Variants in SLC30A6 observed in about 807,000 individuals in gnomAD.
The protein encoded by SLC30A6 is solute carrier family 30 member 6.
A neutral mutation model predicts 63.0 loss-of-function variants in SLC30A6; 55 were observed. That is an observed-to-expected ratio of 0.87 (90% confidence interval 0.70 to 1.09). SLC30A6 has a LOEUF of 1.09. SLC30A6 is among the 50% of genes least tolerant of loss of function. The pLI is 0.00. For synonymous variants in SLC30A6, 224 were observed against 186.1 expected (o/e 1.20, Z -1.66); for missense variants, 587 against 549.2 (o/e 1.07, Z -0.69).
chr2:32,213,540 A>T (rs1242338953), intron 13 of SLC30A6, among the ~76,000 whole-genome samples: 2 of 152,000 alleles, frequency 1.3e-5, no homozygotes, highest in Non-Finnish European at 2.9e-5. Context: ...TGCTGCACAG[A>T]TTGTGTTACC....
At chr2:32,183,179 T>C (rs2148827218) in intron 4 of SLC30A6, among the ~76,000 whole-genome samples, 1 of 151,728 alleles carries the variant, frequency 6.6e-6, no homozygotes, top group Admixed American at 6.6e-5. Flanking sequence ...AGAGTGAGAC[T>C]CCATCTAAAA....
chr2:32,204,705 T>A lies in SLC30A6; in HGVS notation c.768+13T>A, dbSNP rs1164167168. 6.5e-7 allele frequency: 1 copy of A among 1,540,602 alleles called. No homozygotes were observed. The highest frequency in any genetic ancestry group is 1.2e-5 in the South Asian group (1 of 85,604). ...AGTCTTACTCCAGGTAAGGTGCTTC[T>A]TCCAATGCACGTGCTTAATATTAGC... On this transcript the variant is annotated intron_variant, in intron 11 of 13. Coordinates refer to ENST00000282587, the MANE Select transcript of SLC30A6 (RefSeq NM_017964.5).
intron 13 of SLC30A6, among the ~76,000 whole-genome samples, chr2:32,218,247 C>T (rs1685874326): frequency 6.6e-6 from 1 of 151,962 alleles, no homozygotes; most frequent in African/African-American, 2.4e-5. Flanking sequence ...ACGGTGAGAC[C>T]TCATCTCTAC....
chr2:32,211,119 G>T (rs915616015), intron 13 of SLC30A6, among the ~76,000 whole-genome samples: 1 of 152,180 alleles, frequency 6.6e-6, no homozygotes. Context: ...TAGGGTCTCA[G>T]ATGCTCTCTA....
At position 32,175,837 on chromosome 2, in the gene SLC30A6, G is replaced by T. The variant is rs144098799; in HGVS notation, c.218+476G>T. ...CTAAAAATACAAATAGCCAGGCATG[G>T]TGGTGTATGCCTGTAGTCCCAGCTA... On this transcript the variant is annotated intron_variant, in intron 4 of 13. Transcript: ENST00000282587. Among the ~76,000 whole-genome samples the T allele has an allele frequency of 7.8e-3, 1,194 of 152,234 alleles. 17 individuals carry two copies. The highest frequency in any genetic ancestry group is 0.012 in the Non-Finnish European group (802 of 68,026).
At chr2:32,199,764 A>G (rs1003561853) in intron 10 of SLC30A6, among the ~76,000 whole-genome samples, 2 of 151,708 alleles carry the variant, frequency 1.3e-5, no homozygotes, top group Admixed American at 6.6e-5. Flanking sequence ...CTCCTCTCTC[A>G]CCACTCCCCA....
chr2:32,220,676 A>G lies in SLC30A6; in HGVS notation c.1349A>G (p.Tyr450Cys). The G allele has an allele frequency of 1.2e-6, 2 of 1,613,978 alleles. No individual in the cohort carries two copies. Among genetic ancestry groups the G allele is most frequent in the Non-Finnish European group, 1.7e-6 (2 of 1,179,878 alleles). Residue 450 changes from tyrosine to cysteine, a missense_variant, in exon 14 of 14, where the codon TAT (tyrosine) becomes TGT (cysteine). By Grantham distance (194) the Tyr-to-Cys change is radical (BLOSUM62 -2). Transcript: ENST00000282587. ...RTGFTNIPSR[Y>C]GTNNRIGQPR... Reference sequence around the variant, plus strand: ...GGTTTTACAAATATACCAAGTAGATATGGAACTAATAATAGAATTGGACAA... The same window carrying G: ...GGTTTTACAAATATACCAAGTAGATGTGGAACTAATAATAGAATTGGACAA...
chr2:32,203,915 G>A (rs936869999), intron 10 of SLC30A6: 8 of 861,894 alleles, frequency 9.3e-6, no homozygotes, highest in Non-Finnish European at 1.6e-5. Flanking sequence ...CCACAAGGGA[G>A]TCGCTCAGGA....
chr2:32,202,997 G>A (rs1247669399), intron 10 of SLC30A6: 2 of 1,152,446 alleles, frequency 1.7e-6, no homozygotes, highest in East Asian at 2.3e-5. Context: ...GTGAGACCCA[G>A]AGGAGTGTAA....
At chr2:32,201,119 T>C (rs571566631) in intron 10 of SLC30A6, among the ~76,000 whole-genome samples, 1 of 152,350 alleles carries the variant, frequency 6.6e-6, no homozygotes, top group Admixed American at 6.5e-5. Context: ...CATGGTACTC[T>C]GTAGACATTT....
intron 10 of SLC30A6, among the ~76,000 whole-genome samples, chr2:32,198,737 C>A (rs1284182410): frequency 1.3e-5 from 2 of 152,130 alleles, no homozygotes; most frequent in Non-Finnish European, 2.9e-5. Context: ...GCACCTGCCA[C>A]CACACCTGGC....
chr2:32,204,573 T>A lies in SLC30A6; in HGVS notation c.666-17T>A. ...TGAGATATAAATTTAAAATTTAGAATTGTTTTTTCCTTTTAGTAATTATTT... is the reference window on the plus strand; with the variant it reads ...TGAGATATAAATTTAAAATTTAGAAATGTTTTTTCCTTTTAGTAATTATTT... On this transcript the variant is annotated splice_polypyrimidine_tract_variant and intron_variant, in intron 10 of 13. Transcript: ENST00000282587. The A allele has an allele frequency of 1.3e-6, 2 of 1,562,758 alleles. No individual in the cohort carries two copies. Among genetic ancestry groups the A allele is most frequent in the Non-Finnish European group, 1.8e-6 (2 of 1,136,430 alleles).
chr2:32,219,285 C>G (rs575121153), intron 13 of SLC30A6, among the ~76,000 whole-genome samples: 6 of 151,974 alleles, frequency 3.9e-5, no homozygotes, highest in Admixed American at 3.9e-4. Context: ...ATCCGCCCAC[C>G]TCAGCCTCCC....
chr2:32,199,678 C>T (rs1192080283), intron 10 of SLC30A6, among the ~76,000 whole-genome samples: 2 of 152,022 alleles, frequency 1.3e-5, no homozygotes, highest in African/African-American at 4.8e-5. Flanking sequence ...ATCCATTAAC[C>T]ATCCCCCACA....
At chr2:32,208,615 C>G (rs1198899504) in intron 12 of SLC30A6, among the ~76,000 whole-genome samples, 1 of 150,376 alleles carries the variant, frequency 6.6e-6, no homozygotes, top group Non-Finnish European at 1.5e-5. Flanking sequence ...CCAGGGGGTA[C>G]AGGGTCTTAC....
intron 11 of SLC30A6, among the ~76,000 whole-genome samples, chr2:32,205,419 C>CA (rs1684670020): frequency 6.6e-6 from 1 of 151,756 alleles, no homozygotes; most frequent in African/African-American, 2.4e-5. Flanking sequence ...GACTCCATCT[C>CA]AAAAAAACAA....
rs903670843 is a variant in SLC30A6, at chr2:32,171,469, A to T, written c.90+96A>T. On this transcript the variant is annotated intron_variant, in intron 2 of 13. Coordinates refer to ENST00000282587, the MANE Select transcript of SLC30A6 (RefSeq NM_017964.5). ...TTAAGGCCAATAGAAATCACTCCTG[A>T]TCCTGCCACACTGTTTTCATTTTTC... is the stretch of plus-strand genomic sequence containing the variant. The T allele has an allele frequency of 1.0e-5, 9 of 863,028 alleles. No homozygotes were observed. The African/African-American group carries it at 1.4e-4, about 13-fold the overall frequency. The allele number at this position is 863,028 out of a possible 1,614,324, so 53.5% of individuals were successfully genotyped here. A position where few individuals can be genotyped will look rare whatever the true frequency, so the allele number is the denominator to read the frequency against.
intron 8 of SLC30A6, 82 bp downstream of exon 8, chr2:32,194,065 G>A: frequency 9.2e-7 from 1 of 1,084,830 alleles, no homozygotes. Context: ...CGTTCACTCA[G>A]ATCAATGAAG....
intron 4 of SLC30A6, among the ~76,000 whole-genome samples, chr2:32,181,540 GTAT>G (rs1164278914): frequency 6.6e-6 from 1 of 152,096 alleles, no homozygotes; most frequent in Non-Finnish European, 1.5e-5. Context: ...TATCTATAGA[GTAT>G]TATTTACAAA....
Sources: allele counts gnomAD v4.1 joint callset (sites outside exome capture counted in the v4.1 genomes callset), GRCh38; gene constraint gnomAD v4.1.1; transcripts MANE v1.5; gene names NCBI Gene and HGNC (gene_info 2026-07-23, HGNC 2026-07-21).